The following ASTN1 variants were observed in gnomAD, a reference collection of about 807,000 sequenced individuals.
ASTN1 encodes astrotactin-1.
A neutral mutation model predicts 140.7 loss-of-function variants in ASTN1; 41 were observed. The observed-to-expected ratio is 0.29, with a 90% CI of 0.23 to 0.38. ASTN1 has a LOEUF of 0.38. Ranked by LOEUF, ASTN1 falls within the 10% of genes least tolerant of loss-of-function variation. The pLI is 1.00. For missense variants in ASTN1, 1,479 were observed against 1,678.8 expected (o/e 0.88, Z 2.08); for synonymous variants, 640 against 652.2 (o/e 0.98, Z 0.29).
intron 16 of ASTN1, among the ~76,000 whole-genome samples, chr1:176,931,204 C>T (rs561369976): frequency 2.0e-5 from 3 of 152,188 alleles, no homozygotes; most frequent in Non-Finnish European, 2.9e-5. Context: ...CGGTGGCTCA[C>T]GCCTGTAATC....
At chr1:177,115,280 A>T (rs1043101957) in intron 1 of ASTN1, among the ~76,000 whole-genome samples, 2 of 152,164 alleles carry the variant, frequency 1.3e-5, no homozygotes, top group African/African-American at 2.4e-5. Context: ...CCAAACTCAG[A>T]CCCTATTCAG....
At chr1:177,103,487 C>T (rs968556505) in intron 1 of ASTN1, among the ~76,000 whole-genome samples, 1 of 151,986 alleles carries the variant, frequency 6.6e-6, no homozygotes, top group African/African-American at 2.4e-5. Flanking sequence ...GGGGAGAGCA[C>T]CCATGGAGAC....
At chr1:177,160,479 A>T (rs995836489) in intron 1 of ASTN1, among the ~76,000 whole-genome samples, 3 of 152,248 alleles carry the variant, frequency 2.0e-5, no homozygotes, top group African/African-American at 7.2e-5. Context: ...CCAAGGCACA[A>T]GAGAAACATC....
At chr1:177,159,066 CAAAAAA>C (rs57759902) in intron 1 of ASTN1, among the ~76,000 whole-genome samples, 47 of 74,672 alleles carry the variant, frequency 6.3e-4, no homozygotes, top group African/African-American at 1.2e-3. Flanking sequence ...GGATCCATCT[CAAAAAA>C]AAAAAAAAAA....
At chr1:176,910,264 G>A (rs530678714) in intron 16 of ASTN1, among the ~76,000 whole-genome samples, 1 of 152,268 alleles carries the variant, frequency 6.6e-6, no homozygotes, top group East Asian at 1.9e-4. Context: ...CCTATCTCAA[G>A]CTTGTTACTA....
chr1:177,111,187 C>G (rs1354742437), intron 1 of ASTN1, among the ~76,000 whole-genome samples: 1 of 152,170 alleles, frequency 6.6e-6, no homozygotes, highest in Non-Finnish European at 1.5e-5. Flanking sequence ...ATTCTCACAA[C>G]CATCCTGGTG....
chr1:176,936,411 T>C, intron 14 of ASTN1, 41 bp from the exon 15 acceptor site: 1 of 1,525,302 alleles, frequency 6.6e-7, no homozygotes, highest in Non-Finnish European at 9.0e-7. Flanking sequence ...TGATACTGAT[T>C]CATAAGTTCC....
intron 1 of ASTN1, among the ~76,000 whole-genome samples, chr1:177,111,348 T>C (rs2102155077): frequency 6.6e-6 from 1 of 152,334 alleles, no homozygotes; most frequent in Admixed American, 6.5e-5. Flanking sequence ...CGATGTCACC[T>C]AAAGCAGTGC....
intron 2 of ASTN1, among the ~76,000 whole-genome samples, chr1:177,053,276 T>G (rs1290417931): frequency 1.3e-5 from 2 of 152,234 alleles, no homozygotes; most frequent in Non-Finnish European, 2.9e-5. Context: ...TACATCAACT[T>G]GTTAAAAAGA....
intron 8 of ASTN1, among the ~76,000 whole-genome samples, chr1:176,989,423 G>A (rs766916306): frequency 2.0e-5 from 3 of 152,116 alleles, no homozygotes; most frequent in East Asian, 3.8e-4. Context: ...ATTAAGCTTC[G>A]TCCTGCAGAG....
At chr1:177,020,873 G>T (rs1675788544) in intron 7 of ASTN1, among the ~76,000 whole-genome samples, 1 of 152,196 alleles carries the variant, frequency 6.6e-6, no homozygotes, top group Non-Finnish European at 1.5e-5. Context: ...GTGTGTGTGT[G>T]TGTAAAAGTA....
intron 1 of ASTN1, among the ~76,000 whole-genome samples, chr1:177,085,713 G>A (rs1210129216): frequency 6.6e-6 from 1 of 152,154 alleles, no homozygotes; most frequent in East Asian, 1.9e-4. Context: ...TGCATCAATG[G>A]CCTTGTTCAC....
At chr1:177,136,301 A>C (rs924280151) in intron 1 of ASTN1, among the ~76,000 whole-genome samples, 3 of 152,008 alleles carry the variant, frequency 2.0e-5, no homozygotes, top group Non-Finnish European at 4.4e-5. Context: ...TACATGTTTC[A>C]AAGTATCATG....
At chr1:176,993,149 C>T (rs1674269434) in intron 8 of ASTN1, among the ~76,000 whole-genome samples, 1 of 152,178 alleles carries the variant, frequency 6.6e-6, no homozygotes, top group Non-Finnish European at 1.5e-5. Context: ...AACATAATGT[C>T]TGTTGTTTAA....
intron 8 of ASTN1, among the ~76,000 whole-genome samples, chr1:176,967,590 T>G (rs1672939617): frequency 6.6e-6 from 1 of 152,214 alleles, no homozygotes; most frequent in Non-Finnish European, 1.5e-5. Flanking sequence ...ATTGTTGGCA[T>G]AGTTTCTAGG....
chr1:176,894,654 A>T lies in ASTN1; in HGVS notation c.2848T>A (p.Ser950Thr). The change falls in exon 17 of 23, where the codon TCC (serine) becomes ACC (threonine). Residue 950 changes from serine (S) to threonine (T), a missense_variant. Physicochemically the swap from Ser to Thr is moderately conservative, Grantham distance 58 (BLOSUM62 1). Coordinates refer to ENST00000361833, the MANE Select transcript of ASTN1 (RefSeq NM_004319.3). ...GGCTCAGCAGGGGTGTCAGGGCTGGATGTCACATGACACAGGGGGCAGGAC... is the reference window on the plus strand; with the variant it reads ...GGCTCAGCAGGGGTGTCAGGGCTGGTTGTCACATGACACAGGGGGCAGGAC... Reference protein sequence around the residue: ...PSSCPLCHVTSSPDTPAEPVL... With the variant: ...PSSCPLCHVTTSPDTPAEPVL... 1 of 1,614,074 alleles carries T rather than the reference A, an allele frequency of 6.2e-7. No individual in the cohort carries two copies. Among genetic ancestry groups the T allele is most frequent in the South Asian group, 1.1e-5 (1 of 91,084 alleles).
intron 2 of ASTN1, among the ~76,000 whole-genome samples, chr1:177,041,190 T>C (rs1676952922): frequency 6.6e-6 from 1 of 152,090 alleles, no homozygotes; most frequent in Non-Finnish European, 1.5e-5. Context: ...CTCTGCAGTG[T>C]AGGAGACCAG....
At chr1:177,133,512 T>C (rs1467043834) in intron 1 of ASTN1, among the ~76,000 whole-genome samples, 2 of 152,208 alleles carry the variant, frequency 1.3e-5, no homozygotes, top group Non-Finnish European at 2.9e-5. Flanking sequence ...CTCTTTTCTT[T>C]AGGTGGTGAT....
intron 14 of ASTN1, among the ~76,000 whole-genome samples, chr1:176,942,866 A>ATATATATATATT (rs1385017638): frequency 0.029 from 2,013 of 69,882 alleles, 682 homozygotes; most frequent in Non-Finnish European, 0.043. Flanking sequence ...ATATATATAT[A>ATATATATATATT]GATTGATGTC....
Sources: allele counts gnomAD v4.1 joint callset (sites outside exome capture counted in the v4.1 genomes callset), GRCh38; gene constraint gnomAD v4.1.1; transcripts MANE v1.5; gene names NCBI Gene and HGNC (gene_info 2026-07-23, HGNC 2026-07-21).